KCNAB1: variants seen among roughly 807,000 people sequenced by gnomAD.
The protein encoded by KCNAB1 is potassium voltage-gated channel subfamily A regulatory beta subunit 1.
A neutral mutation model predicts 64.6 loss-of-function variants in KCNAB1; 35 were observed. That is an observed-to-expected ratio of 0.54 (90% confidence interval 0.41 to 0.72). The LOEUF is 0.72. Ranked by LOEUF, KCNAB1 falls within the 30% of genes least tolerant of loss-of-function variation. KCNAB1 has a pLI of 0.00. For missense variants in KCNAB1, 401 were observed against 512.9 expected (o/e 0.78, Z 2.11); for synonymous variants, 177 against 183.8 (o/e 0.96, Z 0.30).
At chr3:156,203,409 C>T (rs1369412606) in intron 1 of KCNAB1, among the ~76,000 whole-genome samples, 1 of 152,146 alleles carries the variant, frequency 6.6e-6, no homozygotes, top group African/African-American at 2.4e-5. Context: ...AGTAAGATAG[C>T]ATTGGGTTTA....
In KCNAB1 at chr3:156,516,255, T is replaced by A. The variant is rs1344454559; in HGVS notation, c.866-15T>A. The A allele has an allele frequency of 6.2e-7, 1 of 1,604,846 alleles. No homozygotes were observed. Among genetic ancestry groups the A allele is most frequent in the Non-Finnish European group, 8.5e-7 (1 of 1,171,666 alleles). On this transcript the variant is annotated splice_polypyrimidine_tract_variant and intron_variant, in intron 10 of 13. Coordinates refer to ENST00000490337, the MANE Select transcript of KCNAB1 (RefSeq NM_172160.3). Reference sequence around the variant, plus strand: ...CAATTTGCACAAGCAACTTTCTAAGTTTTTTCTTCTGTAGGTGTTGGCGCA... The same window carrying A: ...CAATTTGCACAAGCAACTTTCTAAGATTTTTCTTCTGTAGGTGTTGGCGCA...
At chr3:156,257,909 TAAC>T (rs1191450341) in intron 1 of KCNAB1, among the ~76,000 whole-genome samples, 1 of 152,122 alleles carries the variant, frequency 6.6e-6, no homozygotes, top group Non-Finnish European at 1.5e-5. Flanking sequence ...TGTGACAGAA[TAAC>T]AACAGAATAG....
At chr3:156,525,162 A>G (rs893652780) in intron 12 of KCNAB1, among the ~76,000 whole-genome samples, 3 of 152,124 alleles carry the variant, frequency 2.0e-5, no homozygotes, top group African/African-American at 7.2e-5. Flanking sequence ...GAAAAAAAAA[A>G]AGTTAACTGT....
At chr3:156,416,148 C>T (rs1215053380) in intron 1 of KCNAB1, among the ~76,000 whole-genome samples, 1 of 152,190 alleles carries the variant, frequency 6.6e-6, no homozygotes, top group Non-Finnish European at 1.5e-5. Flanking sequence ...TTCAAGGTAG[C>T]ACCATTTCTC....
chr3:156,164,213 A>T (rs1378616564), intron 1 of KCNAB1, among the ~76,000 whole-genome samples: 1 of 152,186 alleles, frequency 6.6e-6, no homozygotes, highest in Non-Finnish European at 1.5e-5. Flanking sequence ...TGACTAAATA[A>T]GAGAGGCAGA....
chr3:156,345,193 A>G (rs886697100), intron 1 of KCNAB1, among the ~76,000 whole-genome samples: 5 of 152,230 alleles, frequency 3.3e-5, no homozygotes, highest in African/African-American at 1.2e-4. Context: ...GGGTGAAGGA[A>G]ATGGATTGAC....
intron 1 of KCNAB1, among the ~76,000 whole-genome samples, chr3:156,201,904 G>T (rs1714356628): frequency 2.0e-5 from 3 of 152,266 alleles, no homozygotes. Context: ...CAGCACAGGA[G>T]CTATGATCTA....
chr3:156,238,096 A>G (rs938028624), intron 1 of KCNAB1, among the ~76,000 whole-genome samples: 4 of 152,174 alleles, frequency 2.6e-5, no homozygotes, highest in African/African-American at 9.6e-5. Flanking sequence ...CTGAGAGTCC[A>G]TGGCTGGCCA....
At chr3:156,536,605 C>A (rs374228131) in intron 13 of KCNAB1, 53 bp from the exon 14 acceptor site, 8 of 1,269,426 alleles carry the variant, frequency 6.3e-6, no homozygotes, top group African/African-American at 4.4e-5. Flanking sequence ...CACAAAAAAC[C>A]GAATGATCAA....
At chr3:156,283,283 G>A (rs1719860872) in intron 1 of KCNAB1, among the ~76,000 whole-genome samples, 1 of 151,530 alleles carries the variant, frequency 6.6e-6, no homozygotes, top group Non-Finnish European at 1.5e-5. Flanking sequence ...TAAGAGTGTT[G>A]AATATTGGCC....
chr3:156,511,975 T>C (rs553794911), intron 8 of KCNAB1, among the ~76,000 whole-genome samples: 3 of 152,346 alleles, frequency 2.0e-5, no homozygotes, highest in South Asian at 2.1e-4. Context: ...CCTCGAATGC[T>C]CTTCCACTGT....
Position 156,518,459 on chromosome 3 carries a change from G to A in KCNAB1, c.960+2095G>A, listed in dbSNP as rs973369186. On this transcript the variant is annotated intron_variant, in intron 11 of 13. Coordinates refer to ENST00000490337, the MANE Select transcript of KCNAB1 (RefSeq NM_172160.3). ...GAATGAGGATGCCATGAAAGAGAAA[G>A]AGAAAGAAAAGAAAAGAAAAGAAAG... Among the ~76,000 whole-genome samples, 4 of 127,404 alleles carry A rather than the reference G, an allele frequency of 3.1e-5. 1 individual carries two copies. In the South Asian group the frequency reaches 6.5e-4, roughly 21 times the overall value. The allele number at this position is 127,404 out of a possible 152,430, so 83.6% of individuals were successfully genotyped here. A position where few individuals can be genotyped will look rare whatever the true frequency, so the allele number is the denominator to read the frequency against.
At chr3:156,238,771 G>A in intron 1 of KCNAB1, among the ~76,000 whole-genome samples, 1 of 152,112 alleles carries the variant, frequency 6.6e-6, no homozygotes, top group African/African-American at 2.4e-5. Context: ...GCACATCCTT[G>A]TCTCTGATCT....
At chr3:156,273,393 A>G (rs983019531) in intron 1 of KCNAB1, among the ~76,000 whole-genome samples, 9 of 152,202 alleles carry the variant, frequency 5.9e-5, no homozygotes, top group East Asian at 1.9e-4. Flanking sequence ...GCAAGTTCCA[A>G]CTGCTGGGAT....
intron 12 of KCNAB1, among the ~76,000 whole-genome samples, chr3:156,528,041 G>A (rs1369061342): frequency 2.0e-5 from 3 of 152,182 alleles, no homozygotes; most frequent in African/African-American, 2.4e-5. Flanking sequence ...AGGCCCATTA[G>A]GGGAATCAGC....
At chr3:156,428,533 A>ACACACACACACACACACC (rs59772816) in intron 2 of KCNAB1, among the ~76,000 whole-genome samples, 320 of 143,058 alleles carry the variant, frequency 2.2e-3, no homozygotes, top group African/African-American at 5.3e-3. Flanking sequence ...ACACACACAC[A>ACACACACACACACACACC]CCCTATTGGT....
intron 7 of KCNAB1, among the ~76,000 whole-genome samples, chr3:156,470,497 AAAAGTT>A (rs1387048418): frequency 3.3e-5 from 5 of 152,204 alleles, no homozygotes; most frequent in Non-Finnish European, 5.9e-5. Flanking sequence ...TCTCTACAGA[AAAAGTT>A]AATTAATTAA....
chr3:156,537,546 T>TCA lies in KCNAB1; in HGVS notation c.*799_*800insCA, dbSNP rs1559937528. The stretch of plus-strand genomic sequence containing the variant: ...ATCTTTAGTGACAATGCAGCTGATT[T>TCA]ATGAAAGAGAGGGCTACACTGCTAT... On this transcript the variant is annotated 3_prime_UTR_variant, in exon 14 of 14. Transcript: ENST00000490337. 1 of 152,844 alleles carries TCA rather than the reference T, an allele frequency of 6.5e-6. No individual in the cohort carries two copies. 9.5% of individuals were successfully genotyped at this position (152,844 alleles called of 1,614,324 possible). A position where few individuals can be genotyped will look rare whatever the true frequency, so the allele number is the denominator to read the frequency against.
intron 2 of KCNAB1, among the ~76,000 whole-genome samples, chr3:156,447,537 C>G (rs1438928607): frequency 6.6e-6 from 1 of 152,074 alleles, no homozygotes; most frequent in Non-Finnish European, 1.5e-5. Flanking sequence ...TTCTTGATAG[C>G]TATAATAATA....
Sources: allele counts gnomAD v4.1 joint callset (sites outside exome capture counted in the v4.1 genomes callset), GRCh38; gene constraint gnomAD v4.1.1; transcripts MANE v1.5; gene names NCBI Gene and HGNC (gene_info 2026-07-23, HGNC 2026-07-21).